The following SAMD3 variants were observed in gnomAD, a reference collection of about 807,000 sequenced individuals.
The protein encoded by SAMD3 is sterile alpha motif domain-containing protein 3.
Under a neutral mutation model 58.5 loss-of-function variants are expected in SAMD3, and 63 were observed. The observed-to-expected ratio is 1.08, with a 90% CI of 0.88 to 1.33. The LOEUF (loss-of-function observed/expected upper bound fraction) is 1.33, where lower values mean the gene tolerates loss of function less well. Ranked by LOEUF, SAMD3 falls within the 40% of genes most tolerant of loss-of-function variation. SAMD3 has a pLI of 0.00. For missense variants in SAMD3, 604 were observed against 608.4 expected (o/e 0.99, Z 0.08); for synonymous variants, 220 against 210.3 (o/e 1.05, Z -0.40).
In SAMD3 at chr6:130,146,115, A is replaced by G. The variant is rs1000039284; in HGVS notation, c.1090T>C (p.Ser364Pro). The G allele has an allele frequency of 1.2e-6, 2 of 1,602,082 alleles. No individual in the cohort carries two copies. The highest frequency in any genetic ancestry group is 2.7e-5 in the African/African-American group (2 of 74,530). ...IYKKTRHILE[S>P]YSENILTSFS... ...GAAGTCAGTATATTTTCTGAATAGG[A>G]TTCCAAAATGTGCCTTGTTTTCTTA... Residue 364 changes from serine to proline, a missense_variant, in exon 10 of 12, where the codon TCC becomes CCC. Physicochemically the swap from Ser to Pro is moderately conservative, Grantham distance 74 (BLOSUM62 -1). Coordinates refer to ENST00000439090, the MANE Select transcript of SAMD3 (RefSeq NM_001017373.4).
At chr6:130,147,468 A>T (rs1788739503) in intron 9 of SAMD3, among the ~76,000 whole-genome samples, 1 of 152,226 alleles carries the variant, frequency 6.6e-6, no homozygotes, top group Non-Finnish European at 1.5e-5. Context: ...CTGGGCTCAT[A>T]GCCTAAGAAT....
intron 2 of SAMD3, among the ~76,000 whole-genome samples, chr6:130,274,370 A>C (rs1425974498): frequency 6.6e-6 from 1 of 152,168 alleles, no homozygotes; most frequent in Non-Finnish European, 1.5e-5. Flanking sequence ...CAGGGAATGC[A>C]ACATTCTCAG....
intron 2 of SAMD3, among the ~76,000 whole-genome samples, chr6:130,230,899 C>T (rs897016074): frequency 1.3e-5 from 2 of 152,184 alleles, no homozygotes; most frequent in Admixed American, 6.5e-5. Flanking sequence ...TGAATACTTA[C>T]ACCTGAAAAC....
upstream of SAMD3, among the ~76,000 whole-genome samples, chr6:130,227,256 G>T (rs1036182517): frequency 6.6e-6 from 1 of 152,118 alleles, no homozygotes. Flanking sequence ...ATTTCTCTCA[G>T]TATAATGTTT....
At chr6:130,315,371 T>G (rs9492535) in intron 1 of SAMD3, among the ~76,000 whole-genome samples, 64,744 of 152,044 alleles carry the variant, frequency 0.43, 15,406 homozygotes, top group African/African-American at 0.64. Flanking sequence ...AGTGAATGTG[T>G]TGGCATAATC....
chr6:130,191,199 C>G (rs1369505876), intron 5 of SAMD3, among the ~76,000 whole-genome samples: 1 of 151,998 alleles, frequency 6.6e-6, no homozygotes, highest in African/African-American at 2.4e-5. Context: ...CAATTAGACA[C>G]CGTGAGAGTT....
In SAMD3 at chr6:130,327,247, T is replaced by A. The variant is rs185606775; in HGVS notation, c.-303-14154A>T. On this transcript the variant is annotated intron_variant, in intron 1 of 13. Transcript: ENST00000368134. ...TGTGCATTTTTTTCCATGAAACACATCAGTCAAAATTTAAACTTTAAAAAA... is the reference window on the plus strand; with the variant it reads ...TGTGCATTTTTTTCCATGAAACACAACAGTCAAAATTTAAACTTTAAAAAA... 5.7e-3 allele frequency among the ~76,000 whole-genome samples: 862 copies of A among 152,198 alleles called. 4 individuals are homozygous for A. Among genetic ancestry groups the A allele is most frequent in the Non-Finnish European group, 9.5e-3 (645 of 68,004 alleles).
At chr6:130,165,835 G>A (rs1582767648) in intron 8 of SAMD3, among the ~76,000 whole-genome samples, 1 of 152,124 alleles carries the variant, frequency 6.6e-6, no homozygotes, top group Non-Finnish European at 1.5e-5. Context: ...TTCAAATGGG[G>A]CATTTGACAG....
chr6:130,336,893 C>G (rs988910746), intron 1 of SAMD3, among the ~76,000 whole-genome samples: 5 of 152,178 alleles, frequency 3.3e-5, no homozygotes, highest in African/African-American at 1.2e-4. Context: ...TATACTCATG[C>G]AAATATATGC....
At chr6:130,196,567 G>T (rs936053985) in intron 5 of SAMD3, among the ~76,000 whole-genome samples, 2 of 152,142 alleles carry the variant, frequency 1.3e-5, no homozygotes, top group Non-Finnish European at 2.9e-5. Context: ...CTATGCTATA[G>T]TACAAGCCAC....
intron 1 of SAMD3, among the ~76,000 whole-genome samples, chr6:130,330,328 A>G (rs1776889226): frequency 6.6e-6 from 1 of 152,228 alleles, no homozygotes; most frequent in African/African-American, 2.4e-5. Context: ...GATGCAGTTA[A>G]AATGGCTATA....
chr6:130,147,621 C>T (rs1324665025), intron 9 of SAMD3, among the ~76,000 whole-genome samples: 1 of 152,158 alleles, frequency 6.6e-6, no homozygotes, highest in African/African-American at 2.4e-5. Context: ...ATACAATGCC[C>T]CACTATTCCT....
At chr6:130,308,439 T>TATTCTATTCTATTCTATTCTATTC (rs1562513320) in intron 2 of SAMD3, among the ~76,000 whole-genome samples, 1 of 148,654 alleles carries the variant, frequency 6.7e-6, no homozygotes, top group African/African-American at 2.5e-5. Flanking sequence ...TATTCTATTC[T>TATTCTATTCTATTCTATTCTATTC]TTTGTGTGTG....
chr6:130,264,936 C>A (rs974268356), intron 2 of SAMD3, among the ~76,000 whole-genome samples: 1 of 152,090 alleles, frequency 6.6e-6, no homozygotes, highest in African/African-American at 2.4e-5. Context: ...CTCAAAACAA[C>A]TAGATGGGGT....
intron 2 of SAMD3, among the ~76,000 whole-genome samples, chr6:130,269,762 T>G (rs542728980): frequency 1.3e-5 from 2 of 151,740 alleles, no homozygotes; most frequent in African/African-American, 4.8e-5. Context: ...TGCTTTGGGT[T>G]TATTTTACTC....
intron 9 of SAMD3, 33 bp downstream of exon 9, chr6:130,154,792 A>ATG (rs749905239): frequency 4.2e-6 from 5 of 1,182,320 alleles, no homozygotes; most frequent in South Asian, 3.9e-5. Context: ...ATACATATAT[A>ATG]TGTGTGTGTA....
intron 5 of SAMD3, among the ~76,000 whole-genome samples, chr6:130,207,721 G>A (rs1432610370): frequency 1.3e-5 from 2 of 152,192 alleles, no homozygotes; most frequent in African/African-American, 4.8e-5. Context: ...CAAGGCAATG[G>A]ATTTTGCACC....
intron 8 of SAMD3, among the ~76,000 whole-genome samples, chr6:130,164,611 C>G (rs1790560443): frequency 6.6e-6 from 1 of 152,076 alleles, no homozygotes; most frequent in Non-Finnish European, 1.5e-5. Flanking sequence ...ACTGCCGCAC[C>G]TGATAACCCC....
chr6:130,251,147 A>G (rs1327140607), intron 2 of SAMD3, among the ~76,000 whole-genome samples: 1 of 152,164 alleles, frequency 6.6e-6, no homozygotes, highest in African/African-American at 2.4e-5. Flanking sequence ...ATAAAGTGGT[A>G]TCTTATTGTG....
Sources: allele counts gnomAD v4.1 joint callset (sites outside exome capture counted in the v4.1 genomes callset), GRCh38; gene constraint gnomAD v4.1.1; transcripts MANE v1.5; gene names NCBI Gene and HGNC (gene_info 2026-07-23, HGNC 2026-07-21).